The following KLHL1 variants were observed in gnomAD, a reference collection of about 807,000 sequenced individuals.
KLHL1 encodes kelch like family member 1, also known as kelch-like protein 1.
KLHL1 carries 47 observed loss-of-function variants against 77.7 expected under a neutral mutation model. The observed-to-expected ratio is 0.60, with a 90% confidence interval of 0.48 to 0.77. The LOEUF (loss-of-function observed/expected upper bound fraction) is 0.77, where lower values mean the gene tolerates loss of function less well. Ranked by LOEUF, KLHL1 falls within the 30% of genes least tolerant of loss-of-function variation. KLHL1 has a pLI of 0.00. For synonymous variants in KLHL1, 360 were observed against 325.2 expected, an observed-to-expected ratio of 1.11 and a Z score of -1.15; for missense variants, 925 against 910.8, an observed-to-expected ratio of 1.02 and a Z score of -0.20.
intron 7 of KLHL1, among the ~76,000 whole-genome samples, chr13:69,789,145 T>TAATTA (rs1294580367): frequency 6.6e-6 from 1 of 152,142 alleles, no homozygotes; most frequent in African/African-American, 2.4e-5. Flanking sequence ...TAAAATACTT[T>TAATTA]AATTAAATCA....
intron 7 of KLHL1, among the ~76,000 whole-genome samples, chr13:69,748,182 C>A (rs1874302270): frequency 1.3e-5 from 2 of 151,976 alleles, no homozygotes; most frequent in African/African-American, 4.8e-5. Flanking sequence ...GGCGACAGAG[C>A]AAAATGCAAA....
chr13:70,044,114 A>G (rs1030205280), intron 1 of KLHL1, among the ~76,000 whole-genome samples: 8 of 152,178 alleles, frequency 5.3e-5, no homozygotes, highest in African/African-American at 1.7e-4. Context: ...ATAGAGCCCT[A>G]TGTTACCTAG....
At chr13:70,075,440 A>AT (rs200392885) in intron 1 of KLHL1, among the ~76,000 whole-genome samples, 1 of 150,710 alleles carries the variant, frequency 6.6e-6, no homozygotes, top group African/African-American at 2.4e-5. Context: ...ACAAAATTTT[A>AT]TTAAAAAAAA....
chr13:69,703,882 T>G (rs1875513198), intron 10 of KLHL1, among the ~76,000 whole-genome samples: 1 of 151,670 alleles, frequency 6.6e-6, no homozygotes, highest in Admixed American at 6.6e-5. Flanking sequence ...TAAGTATACT[T>G]TGTAATACGT....
At chr13:69,946,190 A>G (rs1883519171) in intron 3 of KLHL1, among the ~76,000 whole-genome samples, 1 of 152,158 alleles carries the variant, frequency 6.6e-6, no homozygotes, top group Admixed American at 6.6e-5. Flanking sequence ...GGGATAAGGA[A>G]GAACAACAAG....
chr13:69,738,809 C>T (rs1272909905), intron 8 of KLHL1, among the ~76,000 whole-genome samples: 1 of 152,098 alleles, frequency 6.6e-6, no homozygotes, highest in Non-Finnish European at 1.5e-5. Flanking sequence ...GAGAACAGAA[C>T]CAAGTTGGAA....
chr13:69,748,791 C>T (rs1212020754), intron 7 of KLHL1, among the ~76,000 whole-genome samples: 1 of 122,896 alleles, frequency 8.1e-6, no homozygotes, highest in Admixed American at 7.6e-5. Flanking sequence ...GATGGTCTGT[C>T]TTAGGGGTGG....
At chr13:69,805,451 T>C (rs1877576155) in intron 6 of KLHL1, among the ~76,000 whole-genome samples, 1 of 151,958 alleles carries the variant, frequency 6.6e-6, no homozygotes, top group Non-Finnish European at 1.5e-5. Context: ...ATGTATTACA[T>C]GTAATAGTTC....
chr13:69,917,550 C>T (rs573109647), intron 4 of KLHL1, among the ~76,000 whole-genome samples: 8 of 152,062 alleles, frequency 5.3e-5, no homozygotes, highest in Non-Finnish European at 1.0e-4. Flanking sequence ...TGGTTGATTT[C>T]GTTTCTGTGG....
At chr13:70,033,604 C>CTTTTTT (rs71116981) in intron 1 of KLHL1, among the ~76,000 whole-genome samples, 9 of 47,186 alleles carry the variant, frequency 1.9e-4, no homozygotes, top group African/African-American at 7.0e-4. Context: ...CCGCAACTGG[C>CTTTTTT]TTTTTTTTTT....
intron 1 of KLHL1, among the ~76,000 whole-genome samples, chr13:70,082,361 ACACACAC>A (rs1473742304): frequency 7.0e-6 from 1 of 141,924 alleles, no homozygotes; most frequent in Non-Finnish European, 1.6e-5. Context: ...ACACACACAC[ACACACAC>A]AAAGGAACCA....
At chr13:70,004,700 C>G (rs79803144) in intron 1 of KLHL1, among the ~76,000 whole-genome samples, 1 of 151,668 alleles carries the variant, frequency 6.6e-6, no homozygotes, top group Non-Finnish European at 1.5e-5. Flanking sequence ...ATTAAAAATA[C>G]TTTTTTAAAA....
intron 7 of KLHL1, among the ~76,000 whole-genome samples, chr13:69,778,222 G>C (rs1017162195): frequency 3.3e-5 from 5 of 152,000 alleles, no homozygotes; most frequent in African/African-American, 7.2e-5. Context: ...GGAAAACCTA[G>C]GTTAGTTATA....
chr13:70,039,584 CTGA>C (rs1157765002), intron 1 of KLHL1, among the ~76,000 whole-genome samples: 2 of 147,434 alleles, frequency 1.4e-5, no homozygotes, highest in African/African-American at 5.0e-5. Context: ...TTTTTTTTCT[CTGA>C]TTTTTATTTC....
rs139147490 is a variant in KLHL1 at position 69,808,047 on chromosome 13, T to G, written c.1415-11085A>C. Reference sequence around the variant, plus strand: ...GCAGCCACTCAAAGTCCACCATAAGTTAATGAAAATGCAAGTATAACACCA... The same window carrying G: ...GCAGCCACTCAAAGTCCACCATAAGGTAATGAAAATGCAAGTATAACACCA... On this transcript the variant is annotated intron_variant, in intron 6 of 10. Transcript: ENST00000377844. Among the ~76,000 whole-genome samples the G allele has an allele frequency of 6.5e-3, 990 of 152,018 alleles. 4 individuals carry two copies. Among genetic ancestry groups the G allele is most frequent in the Non-Finnish European group, 1.0e-2 (679 of 67,960 alleles).
intron 3 of KLHL1, among the ~76,000 whole-genome samples, chr13:69,955,131 C>A (rs911332011): frequency 6.6e-6 from 1 of 150,982 alleles, no homozygotes; most frequent in African/African-American, 2.4e-5. Flanking sequence ...ATAATTCATG[C>A]CACTTGAATT....
intron 7 of KLHL1, among the ~76,000 whole-genome samples, chr13:69,770,818 G>C (rs1465369778): frequency 6.6e-6 from 1 of 152,042 alleles, no homozygotes; most frequent in Non-Finnish European, 1.5e-5. Context: ...GCACGAGCTG[G>C]GCTCACTGCA....
intron 7 of KLHL1, among the ~76,000 whole-genome samples, chr13:69,759,311 G>A (rs1593803485): frequency 6.6e-6 from 1 of 152,110 alleles, no homozygotes. Context: ...GACAGCATTA[G>A]CTCATGAACA....
intron 7 of KLHL1, among the ~76,000 whole-genome samples, chr13:69,770,805 G>C (rs568266419): frequency 6.6e-6 from 1 of 152,230 alleles, no homozygotes; most frequent in Admixed American, 6.5e-5. Context: ...CTGGAATGTA[G>C]TGGCACGAGC....
Sources: allele counts gnomAD v4.1 joint callset (sites outside exome capture counted in the v4.1 genomes callset), GRCh38; gene constraint gnomAD v4.1.1; transcripts MANE v1.5; gene names NCBI Gene and HGNC (gene_info 2026-07-23, HGNC 2026-07-21).